MICALL1: variants seen among roughly 807,000 people sequenced by gnomAD.
MICALL1 encodes MICAL like 1.
Under a neutral mutation model 83.7 loss-of-function variants are expected in MICALL1, and 61 were observed. The ratio of observed to expected loss-of-function variants is 0.73; its 90% CI spans 0.59 to 0.90. The LOEUF (loss-of-function observed/expected upper bound fraction) is 0.90. Among genes scored for constraint, MICALL1 ranks in the 40% least tolerant of loss-of-function variants. The pLI is 0.00. For synonymous variants in MICALL1, 481 were observed against 473.6 expected (o/e 1.02, Z -0.20); for missense variants, 1,066 against 1,152.0 (o/e 0.93, Z 1.08).
At position 37,933,173 on chromosome 22, in the gene MICALL1, TG is replaced by T; in HGVS notation, c.2308+66del. 1.9e-6 allele frequency: 3 copies of T among 1,558,992 alleles called. No homozygotes were observed. In the Admixed American group the frequency reaches 5.1e-5, roughly 26 times the overall value. On this transcript the variant is annotated intron_variant, in intron 13 of 15. Coordinates refer to ENST00000215957, the MANE Select transcript of MICALL1 (RefSeq NM_033386.4). ...CCTGGGGCCTGGTGACACGGAGGAG[TG>T]GGGGAGCGGGCAGACAAAACCCCAG...
chr22:37,940,196 G>A (rs141168043), intron 15 of MICALL1, among the ~76,000 whole-genome samples: 9 of 151,790 alleles, frequency 5.9e-5, no homozygotes, highest in Non-Finnish European at 1.0e-4. Flanking sequence ...AGGCTGAGGC[G>A]GGGGGGATCA....
At chr22:37,940,629 G>T (rs980713855) in intron 15 of MICALL1, 80 bp from the exon 16 acceptor site, 2 of 1,557,792 alleles carry the variant, frequency 1.3e-6, no homozygotes, top group Non-Finnish European at 8.7e-7. Context: ...CCATGCCCAG[G>T]CCTGTGTCAC....
chr22:37,926,133 C>T (rs1487910653), intron 8 of MICALL1, 90 bp downstream of exon 8: 2 of 1,440,440 alleles, frequency 1.4e-6, no homozygotes, highest in African/African-American at 1.4e-5. Flanking sequence ...CAGAGCCTAC[C>T]AGGCCAGGCA....
Position 37,927,609 on chromosome 22 carries a change from C to T in MICALL1, c.1664C>T (p.Ser555Phe), listed in dbSNP as rs1306579136. 6.2e-7 allele frequency: 1 copy of T among 1,613,804 alleles called. No homozygotes were observed. The highest frequency in any genetic ancestry group is 8.5e-7 in the Non-Finnish European group (1 of 1,179,790). The change falls in exon 9 of 16, where the codon TCT becomes TTT. Residue 555 changes from serine to phenylalanine, a missense_variant. By Grantham distance (155) the Ser-to-Phe change is radical. Transcript: ENST00000215957. ...ACCCCTGGAAACCCTGTCAGCCTCT[C>T]TACCAACTCCTCCCTGGCCTCCTCT... The part of the protein sequence containing the change: ...PGTPGNPVSL[S>F]TNSSLASSGE...
intron 9 of MICALL1, among the ~76,000 whole-genome samples, chr22:37,931,004 G>A (rs1929757703): frequency 6.6e-6 from 1 of 152,156 alleles, no homozygotes. Flanking sequence ...CCTCTTTGAG[G>A]CTAGCACAGC....
Position 37,927,820 on chromosome 22 carries a change from G to A in MICALL1, c.1875G>A (p.Gln625=). 1.2e-6 allele frequency: 2 copies of A among 1,604,604 alleles called. No homozygotes were observed. The highest frequency in any genetic ancestry group is 1.7e-6 in the Non-Finnish European group (2 of 1,174,370). Reference sequence around the variant, plus strand: ...CTGGAAGCTCGTCCCCACAGCTGCAGGTAAAGGTGAGTGCCCCCTCACCCT... The same window carrying A: ...CTGGAAGCTCGTCCCCACAGCTGCAAGTAAAGGTGAGTGCCCCCTCACCCT... ...PSPGSSSPQL[Q]VKSSCKENPF... Residue 625 remains glutamine (Q), a synonymous_variant, in exon 9 of 16, where the codon CAG becomes CAA. Transcript: ENST00000215957.
intron 3 of MICALL1, among the ~76,000 whole-genome samples, chr22:37,917,032 C>T (rs1324766021): frequency 6.6e-6 from 1 of 152,084 alleles, no homozygotes; most frequent in Non-Finnish European, 1.5e-5. Context: ...CCACCATGTC[C>T]AGCTGATTTT....
chr22:37,929,275 G>T (rs1254676695), intron 9 of MICALL1, among the ~76,000 whole-genome samples: 1 of 152,222 alleles, frequency 6.6e-6, no homozygotes, highest in African/African-American at 2.4e-5. Context: ...GAACAGGGGA[G>T]CTGGGGTCTC....
rs544222817 is a variant in MICALL1, at chr22:37,906,672, C to G, written c.146+104C>G. The G allele has an allele frequency of 4.8e-6, 5 of 1,051,032 alleles. No homozygotes were observed. In the South Asian group the frequency reaches 1.4e-4, roughly 29 times the overall value. The allele number at this position is 1,051,032 out of a possible 1,614,324, so 65.1% of individuals were successfully genotyped here. A position where few individuals can be genotyped will look rare whatever the true frequency, so the allele number is the denominator to read the frequency against. ...AGCCCGGGCGGTGACAGGCGCCGCC[C>G]CCGGACACGGAGACGCCGACCCCCC... On this transcript the variant is annotated intron_variant, in intron 1 of 15. Coordinates refer to ENST00000215957, the MANE Select transcript of MICALL1 (RefSeq NM_033386.4). This position sits in a 1 kb window ranked among gnomAD's most constrained non-coding sequence, Gnocchi z 4.4.
At chr22:37,925,515 A>T in intron 7 of MICALL1, 146 bp from the exon 8 acceptor site, 1 of 618,916 alleles carries the variant, frequency 1.6e-6, no homozygotes, top group Non-Finnish European at 2.9e-6. Flanking sequence ...TCCATTTCAG[A>T]CTGTCCCCAT....
chr22:37,922,478 A>C (rs574391962), intron 6 of MICALL1, 52 bp downstream of exon 6: 1 of 1,370,780 alleles, frequency 7.3e-7, no homozygotes, highest in Admixed American at 2.6e-5. Flanking sequence ...TGCACTGTCT[A>C]TTGAAAAGTC....
rs769231360 is a variant in MICALL1 at position 37,925,938 on chromosome 22, GAGTCCACACCCA to G, written c.1366_1377del (p.Thr456_Ser459del). ...CACCAGCCCTGCCCTGGGCCACCCG[GAGTCCACACCCA>G]AGTCCCTGCACCCCTGGTACGGCAT... is the stretch of plus-strand genomic sequence containing the variant. On this transcript the variant is annotated inframe_deletion, in exon 8 of 16. Transcript: ENST00000215957. 33 of 1,613,372 alleles carry G rather than the reference GAGTCCACACCCA, an allele frequency of 2.0e-5. No homozygotes were observed. In the Admixed American group the frequency reaches 3.7e-4, roughly 18 times the overall value.
In MICALL1 at chr22:37,930,016, G is replaced by A. The variant is rs73413988; in HGVS notation, c.1882-1783G>A. ...CCTCGGGCTCCCACAGATGGTGAGGGGCTGGCGGCACCAAGTGTCCTGAGT... is the reference window on the plus strand; with the variant it reads ...CCTCGGGCTCCCACAGATGGTGAGGAGCTGGCGGCACCAAGTGTCCTGAGT... On this transcript the variant is annotated intron_variant, in intron 9 of 15. Transcript: ENST00000215957. The surrounding 1 kb of genome is among the most constrained non-coding windows in gnomAD (Gnocchi z 4.8). 1.7e-3 allele frequency among the ~76,000 whole-genome samples: 264 copies of A among 152,364 alleles called. No individual in the cohort carries two copies. The highest frequency in any genetic ancestry group is 6.0e-3 in the African/African-American group (251 of 41,590).
chr22:37,919,923 G>T (rs1928919615), intron 5 of MICALL1, among the ~76,000 whole-genome samples: 1 of 151,934 alleles, frequency 6.6e-6, no homozygotes. Context: ...GGAGGTGGAG[G>T]TTGCAGTGAG....
At position 37,940,697 on chromosome 22, in the gene MICALL1, T is replaced by G; in HGVS notation, c.2471-12T>G. The G allele has an allele frequency of 6.2e-7, 1 of 1,613,546 alleles. No individual in the cohort carries two copies. Among genetic ancestry groups the G allele is most frequent in the East Asian group, 2.2e-5 (1 of 44,830 alleles). ...CTCCACTTTATTAAGTGCTCCCCTC[T>G]CTGTGCTGCAGAGTTCCAGAGGGAG... On this transcript the variant is annotated splice_polypyrimidine_tract_variant and intron_variant, in intron 15 of 15. Transcript: ENST00000215957.
chr22:37,915,780 G>T (rs1928639571), intron 3 of MICALL1, among the ~76,000 whole-genome samples: 5 of 151,670 alleles, frequency 3.3e-5, no homozygotes. Flanking sequence ...CAAGTAGCTG[G>T]GATTACAGGT....
chr22:37,921,596 T>G (rs992191060), intron 5 of MICALL1, among the ~76,000 whole-genome samples: 3 of 151,992 alleles, frequency 2.0e-5, no homozygotes, highest in African/African-American at 7.2e-5. Flanking sequence ...CAAAACAAAA[T>G]GAAAACAAAA....
chr22:37,916,974 C>A (rs142987284), intron 3 of MICALL1, among the ~76,000 whole-genome samples: 211 of 152,272 alleles, frequency 1.4e-3, no homozygotes, highest in Admixed American at 5.7e-3. Flanking sequence ...AGCGATTCTC[C>A]TGCCTTAGCC....
At chr22:37,936,119 G>A (rs1930108387) in intron 13 of MICALL1, among the ~76,000 whole-genome samples, 1 of 152,178 alleles carries the variant, frequency 6.6e-6, no homozygotes, top group African/African-American at 2.4e-5. Context: ...GAGCCTGCAG[G>A]CTGGGGGAGG....
Sources: allele counts gnomAD v4.1 joint callset (sites outside exome capture counted in the v4.1 genomes callset), GRCh38; gene constraint gnomAD v4.1.1; non-coding constraint Gnocchi (gnomAD v3.1); transcripts MANE v1.5; gene names NCBI Gene and HGNC (gene_info 2026-07-23, HGNC 2026-07-21).